Variants in PURG observed in about 807,000 individuals in gnomAD.
PURG encodes purine rich element binding protein G, also known as purine-rich element-binding protein gamma.
Under a neutral mutation model 24.3 loss-of-function variants are expected in PURG, and 3 were observed. That is an observed-to-expected ratio of 0.12 (90% CI 0.06 to 0.32). The LOEUF (loss-of-function observed/expected upper bound fraction) is 0.32. PURG is among the 10% of genes least tolerant of loss of function. PURG has a pLI of 1.00. For synonymous variants in PURG, 180 were observed against 173.1 expected (o/e 1.04, Z -0.31); for missense variants, 371 against 439.1 (o/e 0.84, Z 1.39).
chr8:31,015,039 T>G (rs1311034134), intron 1 of PURG, among the ~76,000 whole-genome samples: 1 of 152,236 alleles, frequency 6.6e-6, no homozygotes, highest in Non-Finnish European at 1.5e-5. Flanking sequence ...AGCTTTATAC[T>G]TGGAGAGCTA....
intron 1 of PURG, among the ~76,000 whole-genome samples, chr8:31,012,396 T>C (rs986719793): frequency 5.3e-5 from 8 of 152,130 alleles, no homozygotes; most frequent in Non-Finnish European, 2.9e-5. Flanking sequence ...ATAATTTATA[T>C]GTAAAATTAA....
At chr8:31,027,687 T>C (rs1811115725), downstream of PURG, among the ~76,000 whole-genome samples, 1 of 151,828 alleles carries the variant, frequency 6.6e-6, no homozygotes, top group Non-Finnish European at 1.5e-5. Context: ...TTCTTATCTA[T>C]AGATATAAAA....
chr8:31,019,108 A>G (rs1216051186), intron 1 of PURG, among the ~76,000 whole-genome samples: 7 of 101,376 alleles, frequency 6.9e-5, no homozygotes, highest in African/African-American at 2.7e-4. Flanking sequence ...TGGGTGACAG[A>G]GCGAGACTCT....
At chr8:30,998,315 T>C (rs1278110809) in intron 1 of PURG, among the ~76,000 whole-genome samples, 1 of 151,776 alleles carries the variant, frequency 6.6e-6, no homozygotes, top group East Asian at 1.9e-4. Context: ...CATTATACCA[T>C]AAGAGGCTTC....
chr8:31,011,504 A>C (rs1407433777), intron 1 of PURG, among the ~76,000 whole-genome samples: 1 of 152,234 alleles, frequency 6.6e-6, no homozygotes, highest in Admixed American at 6.5e-5. Flanking sequence ...ATATATTTTG[A>C]GCACTATGAC....
rs11574153 is a variant in PURG at position 31,032,707 on chromosome 8, T to C, written c.76A>G (p.Ser26Gly). Residue 26 changes from serine to glycine, a missense_variant, in exon 2 of 2, where the codon AGC becomes GGC. Ser to Gly is a moderately conservative substitution (Grantham distance 56). Transcript: ENST00000523392. This position sits in a 1 kb window ranked among gnomAD's most constrained non-coding sequence, Gnocchi z 5.9. Reference sequence around the variant, plus strand: ...GCCTGGGGATAGAGTCTACTCTTGCTTAGGCCAGAGCCCCCTACATTCTTG... The same window carrying C: ...GCCTGGGGATAGAGTCTACTCTTGCCTAGGCCAGAGCCCCCTACATTCTTG... ...GGKNVGGSGL[S>G]KSRLYPQAQH... 0.012 allele frequency: 18,271 copies of C among 1,506,624 alleles called. 199 individuals carry two copies. Among genetic ancestry groups the C allele is most frequent in the Admixed American group, 0.037 (1,578 of 42,720 alleles). 93.3% of individuals were successfully genotyped at this position (1,506,624 alleles called of 1,614,324 possible). A position where few individuals can be genotyped will look rare whatever the true frequency, so the allele number is the denominator to read the frequency against.
Position 31,032,498 on chromosome 8 carries a change from G to T in PURG, c.285C>A (p.Gly95=). The T allele has an allele frequency of 6.2e-7, 1 of 1,614,200 alleles. No homozygotes were observed. The highest frequency in any genetic ancestry group is 8.5e-7 in the Non-Finnish European group (1 of 1,180,038). ...LKIAEVWIGR[G]RQDNIRKSKL... ...TACTCTTTCTGATGTTGTCCTGCCGGCCTCTCCCTATCCAGACTTCGGCTA... is the reference window on the plus strand; with the variant it reads ...TACTCTTTCTGATGTTGTCCTGCCGTCCTCTCCCTATCCAGACTTCGGCTA... The change falls in exon 2 of 2, where the codon GGC becomes GGA. Residue 95 remains glycine (G), a synonymous_variant. Coordinates refer to ENST00000523392, the MANE Select transcript of PURG (RefSeq NM_001323311.2). The surrounding 1 kb of genome is among the most constrained non-coding windows in gnomAD (Gnocchi z 5.9).
intron 1 of PURG, among the ~76,000 whole-genome samples, chr8:31,002,361 T>TTTTTTTTTTTAAA (rs201870746): frequency 2.0e-5 from 3 of 152,316 alleles, no homozygotes; most frequent in African/African-American, 7.2e-5. Flanking sequence ...TATTTTCTTT[T>TTTTTTTTTTTAAA]AAAAAAGGAT....
chr8:31,000,536 T>G (rs1030418146), intron 1 of PURG, among the ~76,000 whole-genome samples: 1 of 152,158 alleles, frequency 6.6e-6, no homozygotes. Flanking sequence ...AATGTAAGAT[T>G]ACGATTCTCT....
chr8:31,003,440 C>CT (rs1490737918), intron 1 of PURG, among the ~76,000 whole-genome samples: 9 of 151,686 alleles, frequency 5.9e-5, no homozygotes, highest in African/African-American at 2.2e-4. Flanking sequence ...TATATGGCTA[C>CT]TTTTTTTCTG....
At chr8:31,006,186 C>A (rs1310644828) in intron 1 of PURG, among the ~76,000 whole-genome samples, 1 of 152,160 alleles carries the variant, frequency 6.6e-6, no homozygotes, top group Admixed American at 6.5e-5. Flanking sequence ...TATTACACTA[C>A]CTGACAATTC....
chr8:31,017,351 T>C (rs1454049851), intron 1 of PURG, among the ~76,000 whole-genome samples: 1 of 151,992 alleles, frequency 6.6e-6, no homozygotes, highest in Non-Finnish European at 1.5e-5. Context: ...AAATTGTATA[T>C]ATATGCATGT....
intron 1 of PURG, among the ~76,000 whole-genome samples, chr8:30,998,913 G>A (rs978154181): frequency 2.0e-5 from 3 of 151,774 alleles, no homozygotes; most frequent in Non-Finnish European, 3.0e-5. Flanking sequence ...GGCACAATGA[G>A]TATCTTTTAT....
chr8:31,008,733 T>C (rs547883816), intron 1 of PURG, among the ~76,000 whole-genome samples: 5 of 152,338 alleles, frequency 3.3e-5, no homozygotes, highest in East Asian at 1.9e-4. Context: ...TTGATGAATA[T>C]ACAATAAATG....
At chr8:31,029,293 A>T (rs1241127810), downstream of PURG, among the ~76,000 whole-genome samples, 1 of 151,836 alleles carries the variant, frequency 6.6e-6, no homozygotes, top group African/African-American at 2.4e-5. Flanking sequence ...GTATATATGC[A>T]TCTATTTAAT....
At chr8:31,010,130 G>A (rs1168606656) in intron 1 of PURG, among the ~76,000 whole-genome samples, 1 of 152,118 alleles carries the variant, frequency 6.6e-6, no homozygotes, top group African/African-American at 2.4e-5. Context: ...AATAAAAAAT[G>A]GAATGCAGGG....
intron 1 of PURG, among the ~76,000 whole-genome samples, chr8:31,015,933 G>A (rs908441955): frequency 2.6e-5 from 4 of 151,906 alleles, no homozygotes; most frequent in Admixed American, 6.6e-5. Context: ...TGCACCTATG[G>A]TCCCAGCTAC....
intron 1 of PURG, among the ~76,000 whole-genome samples, chr8:31,004,395 C>G (rs992610586): frequency 1.3e-5 from 2 of 152,150 alleles, no homozygotes; most frequent in African/African-American, 2.4e-5. Flanking sequence ...AATGGAGATA[C>G]TACAAGAAAA....
intron 1 of PURG, among the ~76,000 whole-genome samples, chr8:30,998,069 C>T (rs1810463413): frequency 6.6e-6 from 1 of 151,734 alleles, no homozygotes; most frequent in South Asian, 2.1e-4. Context: ...CATTTCAAGA[C>T]AAGGCAGTAC....
Sources: allele counts gnomAD v4.1 joint callset (sites outside exome capture counted in the v4.1 genomes callset), GRCh38; gene constraint gnomAD v4.1.1; non-coding constraint Gnocchi (gnomAD v3.1); transcripts MANE v1.5; gene names NCBI Gene and HGNC (gene_info 2026-07-23, HGNC 2026-07-21).